The following DLG2 variants were observed in gnomAD, a reference collection of about 807,000 sequenced individuals.
The protein encoded by DLG2 is discs large MAGUK scaffold protein 2.
DLG2 carries 45 observed loss-of-function variants against 132.5 expected under a neutral mutation model. The observed-to-expected ratio is 0.34, with a 90% confidence interval of 0.27 to 0.44. DLG2 has a LOEUF of 0.44. Ranked by LOEUF, DLG2 falls within the 20% of genes least tolerant of loss-of-function variation. The pLI, the probability that DLG2 is intolerant of heterozygous loss-of-function variation, is 1.00. For missense variants in DLG2, 1,045 were observed against 1,196.9 expected (o/e 0.87, Z 1.87); for synonymous variants, 424 against 419.6 (o/e 1.01, Z -0.13).
chr11:83,760,173 C>G (rs1032574415), intron 18 of DLG2, among the ~76,000 whole-genome samples: 1 of 152,176 alleles, frequency 6.6e-6, no homozygotes, highest in African/African-American at 2.4e-5. Flanking sequence ...CTGAAGTTCC[C>G]TTGACATGCT....
intron 18 of DLG2, among the ~76,000 whole-genome samples, chr11:83,667,751 G>A (rs1417442249): frequency 6.6e-6 from 1 of 151,908 alleles, no homozygotes; most frequent in South Asian, 2.1e-4. Context: ...AGGCCGAGGC[G>A]GGCGGATCAC....
chr11:84,136,962 C>A (rs1945820), intron 9 of DLG2, among the ~76,000 whole-genome samples: 1 of 151,876 alleles, frequency 6.6e-6, no homozygotes, highest in Non-Finnish European at 1.5e-5. Context: ...ATGCCAAATG[C>A]AGAACTGAAG....
At chr11:85,134,424 G>A (rs1361424330) in intron 5 of DLG2, among the ~76,000 whole-genome samples, 4 of 147,734 alleles carry the variant, frequency 2.7e-5, no homozygotes, top group Non-Finnish European at 6.0e-5. Context: ...AGCTACTTGG[G>A]AGGCTGAGGC....
chr11:84,620,303 C>G (rs975084092), intron 6 of DLG2, among the ~76,000 whole-genome samples: 1 of 151,728 alleles, frequency 6.6e-6, no homozygotes, highest in Non-Finnish European at 1.5e-5. Context: ...ACAAAATAAT[C>G]AACACCAGAC....
intron 21 of DLG2, among the ~76,000 whole-genome samples, chr11:83,522,107 C>T (rs998169238): frequency 2.0e-5 from 3 of 152,134 alleles, no homozygotes; most frequent in Admixed American, 2.0e-4. Context: ...CACCAGATAC[C>T]CTCTATTCGT....
At chr11:84,143,113 T>C (rs2094925348) in intron 9 of DLG2, among the ~76,000 whole-genome samples, 1 of 152,164 alleles carries the variant, frequency 6.6e-6, no homozygotes, top group African/African-American at 2.4e-5. Flanking sequence ...AGTTTCAACG[T>C]TGAGCATCTA....
chr11:85,608,841 CT>C (rs1360300444), intron 2 of DLG2, among the ~76,000 whole-genome samples: 1 of 152,176 alleles, frequency 6.6e-6, no homozygotes, highest in Non-Finnish European at 1.5e-5. Context: ...CCTTCAATCT[CT>C]TTTGGAGAGA....
intron 11 of DLG2, among the ~76,000 whole-genome samples, chr11:84,015,930 T>A (rs973643857): frequency 6.6e-6 from 1 of 152,194 alleles, no homozygotes; most frequent in African/African-American, 2.4e-5. Context: ...TGAATTCTTT[T>A]GGCCCTAGGT....
intron 3 of DLG2, among the ~76,000 whole-genome samples, chr11:85,590,106 C>G (rs2079217359): frequency 6.6e-6 from 1 of 152,044 alleles, no homozygotes; most frequent in Non-Finnish European, 1.5e-5. Flanking sequence ...ACAATGAGCT[C>G]CATGAAAACA....
chr11:85,427,815 A>G (rs2090878751), intron 3 of DLG2, among the ~76,000 whole-genome samples: 1 of 152,252 alleles, frequency 6.6e-6, no homozygotes, highest in Admixed American at 6.5e-5. Flanking sequence ...TGCTCCAATT[A>G]AAAGACACAG....
At chr11:83,508,730 A>G (rs965433621) in intron 21 of DLG2, among the ~76,000 whole-genome samples, 6 of 152,138 alleles carry the variant, frequency 3.9e-5, no homozygotes, top group African/African-American at 1.4e-4. Context: ...TTCTATATAA[A>G]TCTACAATAC....
chr11:84,070,784 G>A (rs959883151), intron 10 of DLG2, among the ~76,000 whole-genome samples: 3 of 152,154 alleles, frequency 2.0e-5, no homozygotes, highest in Admixed American at 6.5e-5. Flanking sequence ...CTGTGTGTTT[G>A]AGTACAGTGA....
At chr11:84,788,978 A>C (rs1413066063) in intron 6 of DLG2, among the ~76,000 whole-genome samples, 1 of 152,166 alleles carries the variant, frequency 6.6e-6, no homozygotes, top group Non-Finnish European at 1.5e-5. Flanking sequence ...AGAGTTTTTA[A>C]ATCCAGAATG....
chr11:85,097,382 C>T (rs887948314), intron 6 of DLG2, among the ~76,000 whole-genome samples: 2 of 152,124 alleles, frequency 1.3e-5, no homozygotes, highest in African/African-American at 4.8e-5. Context: ...CAAGTCCCCA[C>T]CCGACTCAGA....
chr11:84,313,522 G>GAGAGAGGA (rs1175782948), intron 7 of DLG2, among the ~76,000 whole-genome samples: 63 of 127,488 alleles, frequency 4.9e-4, no homozygotes, highest in Non-Finnish European at 8.0e-4. Context: ...GAGACAGAGA[G>GAGAGAGGA]AGAGAGGAAG....
rs991191189 is a variant in DLG2, at chr11:84,543,819, T to A, written c.358-9088A>T. ...CCAGGTGCTCCATTTGAATTTTTTT[T>A]AAACAAAACTCAAAAGTGAAAGGAA... On this transcript the variant is annotated intron_variant, in intron 6 of 27. Transcript: ENST00000376104. Among the ~76,000 whole-genome samples the A allele has an allele frequency of 4.6e-5, 7 of 152,270 alleles. No individual in the cohort carries two copies. In the East Asian group the frequency reaches 7.7e-4, roughly 17 times the overall value.
chr11:83,500,398 T>G lies in DLG2; in HGVS notation c.2194-16170A>C, dbSNP rs147410373. Among the ~76,000 whole-genome samples the G allele has an allele frequency of 2.7e-3, 418 of 152,298 alleles. 5 individuals carry two copies. The highest frequency in any genetic ancestry group is 4.9e-3 in the Admixed American group (75 of 15,288). ...GATTCAAAGTATTCCAGCATGGATA[T>G]GAACATGACCTTAAATTGGGAATAT... On this transcript the variant is annotated intron_variant, in intron 21 of 27. Transcript: ENST00000376104.
At chr11:85,619,597 G>A (rs1330924599) in intron 2 of DLG2, among the ~76,000 whole-genome samples, 2 of 152,120 alleles carry the variant, frequency 1.3e-5, no homozygotes, top group African/African-American at 2.4e-5. Flanking sequence ...ACTTTCAGAG[G>A]TGGAGGCAGA....
At chr11:84,202,280 A>G (rs1009109206) in intron 8 of DLG2, among the ~76,000 whole-genome samples, 3 of 152,174 alleles carry the variant, frequency 2.0e-5, no homozygotes, top group African/African-American at 7.2e-5. Flanking sequence ...ACATAGACCA[A>G]TGGAACAGCA....
Sources: gnomAD v4.1 joint callset for allele counts (sites outside exome capture counted in the v4.1 genomes callset) on GRCh38, gnomAD v4.1.1 for gene constraint, MANE v1.5 for transcripts, NCBI Gene and HGNC (gene_info 2026-07-23, HGNC 2026-07-21) for gene names.